The following VPS13D variants were observed in gnomAD, a reference collection of about 807,000 sequenced individuals.
The protein encoded by VPS13D is vacuolar protein sorting 13 homolog D.
VPS13D carries 187 observed loss-of-function variants against 461.9 expected under a neutral mutation model. That is an observed-to-expected ratio of 0.40 (90% CI 0.36 to 0.46). The LOEUF is 0.46. VPS13D is among the 20% of genes least tolerant of loss of function. The pLI is 0.60. For missense variants in VPS13D, 4,711 were observed against 5,364.9 expected (o/e 0.88, Z 3.81); for synonymous variants, 1,951 against 1,986.3 (o/e 0.98, Z 0.47).
chr1:12,270,985 A>G lies in VPS13D; in HGVS notation c.1973-9A>G. 5 of 1,613,066 alleles carry G rather than the reference A, an allele frequency of 3.1e-6. No individual in the cohort carries two copies. The highest frequency in any genetic ancestry group is 4.2e-6 in the Non-Finnish European group (5 of 1,179,472). On this transcript the variant is annotated splice_polypyrimidine_tract_variant and intron_variant, in intron 16 of 69. Coordinates refer to ENST00000620676, the MANE Select transcript of VPS13D (RefSeq NM_015378.4). ...ATTCTGACTCTGCTGTGTATTTCCA[A>G]CCTTGCAGGTTTTGGTTATCAGTCT...
In VPS13D at chr1:12,507,153, C is replaced by T; in HGVS notation, c.13035+60C>T. 1 of 1,610,122 alleles carries T rather than the reference C, an allele frequency of 6.2e-7. No homozygotes were observed. The highest frequency in any genetic ancestry group is 1.1e-5 in the South Asian group (1 of 90,680). ...CGGGGCCAGGGCCTCGATGCCTCTG[C>T]CCTGCTTCCCCGTCCTCAGCAGGAG... On this transcript the variant is annotated intron_variant, in intron 69 of 69. Coordinates refer to ENST00000620676, the MANE Select transcript of VPS13D (RefSeq NM_015378.4). The surrounding 1 kb of genome is among the most constrained non-coding windows in gnomAD (Gnocchi z 5.3).
intron 67 of VPS13D, among the ~76,000 whole-genome samples, chr1:12,490,520 G>A (rs1007436111): frequency 3.3e-5 from 5 of 152,334 alleles, no homozygotes; most frequent in Admixed American, 6.5e-5. Flanking sequence ...TTTCCACTTC[G>A]TCTTTAGAAG....
intron 18 of VPS13D, among the ~76,000 whole-genome samples, chr1:12,275,016 C>T (rs369657458): frequency 2.3e-4 from 35 of 152,118 alleles, no homozygotes; most frequent in African/African-American, 4.6e-4. Context: ...GTCAGGAGTT[C>T]GAGACCAGTC....
chr1:12,234,216 A>C lies in VPS13D; in HGVS notation c.-51A>C. 1 of 1,279,750 alleles carries C rather than the reference A, an allele frequency of 7.8e-7. No individual in the cohort carries two copies. The highest frequency in any genetic ancestry group is 1.1e-6 in the Non-Finnish European group (1 of 890,854). 79.3% of individuals were successfully genotyped at this position (1,279,750 alleles called of 1,614,324 possible). ...ATTTTTCTGTGACCATGAAAGAGAG[A>C]AATAAAGAATGATCCATGATTTCTA... On this transcript the variant is annotated 5_prime_UTR_variant, in exon 2 of 70. Transcript: ENST00000620676.
intron 67 of VPS13D, among the ~76,000 whole-genome samples, chr1:12,477,892 A>C (rs1645654847): frequency 6.6e-6 from 1 of 152,122 alleles, no homozygotes; most frequent in Non-Finnish European, 1.5e-5. Context: ...AGCTATAGAG[A>C]TCTGTCTCCT....
At chr1:12,268,635 C>A in intron 15 of VPS13D, 71 bp from the exon 16 acceptor site, 3 of 1,469,432 alleles carry the variant, frequency 2.0e-6, no homozygotes, top group East Asian at 2.4e-5. Flanking sequence ...TTCCAGAATC[C>A]CTCACAGGTC....
chr1:12,248,375 C>T (rs1234542347), intron 5 of VPS13D, among the ~76,000 whole-genome samples: 1 of 151,872 alleles, frequency 6.6e-6, no homozygotes, highest in Non-Finnish European at 1.5e-5. Flanking sequence ...CATAATCTCA[C>T]TCCGTTGCCT....
At chr1:12,499,788 TC>T in intron 68 of VPS13D, 1 of 985,406 alleles carries the variant, frequency 1.0e-6, no homozygotes, top group Non-Finnish European at 1.2e-6. Context: ...TGTCGCATGT[TC>T]CTCTGAAGTG....
intron 59 of VPS13D, among the ~76,000 whole-genome samples, chr1:12,385,912 T>C (rs1304491112): frequency 2.6e-5 from 4 of 152,192 alleles, no homozygotes; most frequent in Non-Finnish European, 5.9e-5. Context: ...ATTTCTATAA[T>C]GAAATGCAGA....
intron 60 of VPS13D, 105 bp downstream of exon 60, chr1:12,386,439 A>G (rs1644352144): frequency 7.6e-7 from 1 of 1,310,156 alleles, no homozygotes; most frequent in Non-Finnish European, 1.0e-6. Flanking sequence ...TGGAGGAAAT[A>G]TCTTGTGGCC....
chr1:12,506,760 C>T, intron 68 of VPS13D, 93 bp from the exon 69 acceptor site: 2 of 1,499,712 alleles, frequency 1.3e-6, no homozygotes, highest in South Asian at 2.6e-5. Context: ...GATTCGCACT[C>T]AGGCCCTGGG....
At chr1:12,261,363 A>G (rs1641102747) in intron 12 of VPS13D, among the ~76,000 whole-genome samples, 1 of 152,268 alleles carries the variant, frequency 6.6e-6, no homozygotes, top group Admixed American at 6.5e-5. Flanking sequence ...GCTGAGAGGC[A>G]GAGCGTGTAA....
intron 6 of VPS13D, among the ~76,000 whole-genome samples, chr1:12,250,458 A>G (rs536365832): frequency 6.6e-6 from 1 of 152,338 alleles, no homozygotes; most frequent in African/African-American, 2.4e-5. Flanking sequence ...AGGGAAAAAG[A>G]CCAAATATAT....
rs748593772 is a variant in VPS13D at position 12,319,525 on chromosome 1, G to A, written c.7443G>A (p.Val2481=). ...TGTEFVVIED[V]SCFDTNAIIL... ...CGGAGTTTGTGGTCATTGAAGATGT[G>A]TCCTGCTTCGACACCAATGCCATTA... Residue 2481 remains valine (V), a synonymous_variant, in exon 32 of 70, where the codon GTG becomes GTA. Transcript: ENST00000620676. 4.3e-6 allele frequency: 7 copies of A among 1,614,156 alleles called. No homozygotes were observed. The highest frequency in any genetic ancestry group is 5.9e-6 in the Non-Finnish European group (7 of 1,180,022).
Position 12,386,396 on chromosome 1 carries a change from C to A in VPS13D, c.11634+62C>A, listed in dbSNP as rs752691689. On this transcript the variant is annotated intron_variant, in intron 60 of 69. Coordinates refer to ENST00000620676, the MANE Select transcript of VPS13D (RefSeq NM_015378.4). ...TTTCATGCTGATCACCCAACCAGAT[C>A]TAATGTTTGATGTTCTAAGAACTTT... The A allele has an allele frequency of 2.3e-5, 34 of 1,497,830 alleles. 1 individual carries two copies. The South Asian group carries it at 3.1e-4, about 14-fold the overall frequency. 92.8% of individuals were successfully genotyped at this position (1,497,830 alleles called of 1,614,324 possible).
intron 6 of VPS13D, chr1:12,249,577 G>A: frequency 3.0e-6 from 1 of 338,512 alleles, no homozygotes; most frequent in Non-Finnish European, 5.3e-6. Flanking sequence ...AGAAACTGAG[G>A]GGCAGAAAGG....
At chr1:12,332,338 T>C (rs1401172372) in intron 37 of VPS13D, among the ~76,000 whole-genome samples, 1 of 152,254 alleles carries the variant, frequency 6.6e-6, no homozygotes, top group Admixed American at 6.5e-5. Flanking sequence ...ATAAATTGTA[T>C]ATTCATTATA....
intron 63 of VPS13D, among the ~76,000 whole-genome samples, chr1:12,409,681 A>G (rs1309145197): frequency 6.6e-6 from 1 of 152,194 alleles, no homozygotes; most frequent in Non-Finnish European, 1.5e-5. Context: ...ACCTTGAAAT[A>G]TCAATCATTT....
At chr1:12,409,573 G>A (rs543514127) in intron 63 of VPS13D, among the ~76,000 whole-genome samples, 80 of 152,236 alleles carry the variant, frequency 5.3e-4, no homozygotes, top group Middle Eastern at 3.4e-3. Context: ...CTTTATGTAA[G>A]GATAAATTCC....
Sources: gnomAD v4.1 joint callset for allele counts (sites outside exome capture counted in the v4.1 genomes callset) on GRCh38, gnomAD v4.1.1 for gene constraint, Gnocchi (gnomAD v3.1) non-coding constraint, MANE v1.5 for transcripts, NCBI Gene and HGNC (gene_info 2026-07-23, HGNC 2026-07-21) for gene names.